The following CSMD1 variants were observed in gnomAD, a reference collection of about 807,000 sequenced individuals.
CSMD1 encodes the protein CUB and Sushi multiple domains 1, also known as CUB and sushi domain-containing protein 1.
CSMD1 carries 213 observed loss-of-function variants against 417.5 expected under a neutral mutation model. That is an observed-to-expected ratio of 0.51 (90% confidence interval 0.46 to 0.57). CSMD1 has a LOEUF of 0.57. Among genes scored for constraint, CSMD1 ranks in the 20% least tolerant of loss-of-function variants. The pLI, the probability that CSMD1 is intolerant of heterozygous loss-of-function variation, is 0.00. For synonymous variants in CSMD1, 2,862 were observed against 1,736.8 expected (o/e 1.65, Z -16.11); for missense variants, 6,923 against 4,529.7 (o/e 1.53, Z -15.17).
At chr8:4,588,304 G>C (rs951218554) in intron 2 of CSMD1, among the ~76,000 whole-genome samples, 1 of 148,690 alleles carries the variant, frequency 6.7e-6, no homozygotes. Context: ...AAAAGAAAAA[G>C]GAAATAAAAC....
chr8:4,951,529 GAGAA>G (rs1384636450), intron 1 of CSMD1, among the ~76,000 whole-genome samples: 2 of 144,676 alleles, frequency 1.4e-5, no homozygotes, highest in African/African-American at 5.1e-5. Context: ...AGGGGAGAAA[GAGAA>G]AAGAAAAGAA....
At chr8:3,823,609 G>C (rs537177968) in intron 5 of CSMD1, among the ~76,000 whole-genome samples, 77 of 152,054 alleles carry the variant, frequency 5.1e-4, no homozygotes, top group African/African-American at 1.6e-3. Flanking sequence ...ACTTATGCTT[G>C]AATCAAATAA....
intron 23 of CSMD1, among the ~76,000 whole-genome samples, chr8:3,337,447 G>C (rs751190519): frequency 2.4e-4 from 37 of 152,050 alleles, no homozygotes; most frequent in Non-Finnish European, 4.4e-4. Context: ...CAAAATTTAA[G>C]CTTGCGTTTA....
At chr8:4,320,964 G>A (rs1026559320) in intron 3 of CSMD1, among the ~76,000 whole-genome samples, 1 of 152,032 alleles carries the variant, frequency 6.6e-6, no homozygotes, top group Non-Finnish European at 1.5e-5. Context: ...ACTCTGCCAG[G>A]TCCAGTTTCA....
At chr8:3,377,955 G>A (rs372616578) in intron 18 of CSMD1, among the ~76,000 whole-genome samples, 2 of 152,090 alleles carry the variant, frequency 1.3e-5, no homozygotes, top group Admixed American at 6.6e-5. Context: ...AAAGAATTGA[G>A]GTCAGAAAAG....
intron 26 of CSMD1, among the ~76,000 whole-genome samples, chr8:3,269,807 A>T (rs1356521052): frequency 6.6e-6 from 1 of 152,208 alleles, no homozygotes; most frequent in African/African-American, 2.4e-5. Context: ...TAGTCAGTTC[A>T]TGTCCTTCTG....
chr8:3,240,630 G>A (rs1391009397), intron 26 of CSMD1, among the ~76,000 whole-genome samples: 2 of 152,072 alleles, frequency 1.3e-5, no homozygotes, highest in Non-Finnish European at 2.9e-5. Context: ...GGGTGTCAGG[G>A]TCAGTCCAAG....
chr8:4,062,922 A>AAAG, intron 3 of CSMD1, among the ~76,000 whole-genome samples: 1 of 152,064 alleles, frequency 6.6e-6, no homozygotes, highest in African/African-American at 2.4e-5. Flanking sequence ...TTGCAAAAAA[A>AAAG]AAAAATTCTT....
intron 12 of CSMD1, among the ~76,000 whole-genome samples, chr8:3,416,177 T>A (rs1416100198): frequency 3.4e-5 from 1 of 29,834 alleles, no homozygotes; most frequent in African/African-American, 7.9e-5. Flanking sequence ...GGGGGGCGCC[T>A]GTAATTCCCA....
intron 6 of CSMD1, among the ~76,000 whole-genome samples, chr8:3,730,246 G>A (rs540980115): frequency 5.8e-4 from 88 of 152,184 alleles, no homozygotes; most frequent in Non-Finnish European, 8.5e-4. Context: ...AATTCGAGAT[G>A]AGAAAATACC....
rs190957467 is a variant in CSMD1, at chr8:3,391,818, T to C, written c.2594-4136A>G. 1.4e-3 allele frequency among the ~76,000 whole-genome samples: 214 copies of C among 152,312 alleles called. 1 individual carries two copies. Among genetic ancestry groups the C allele is most frequent in the Middle Eastern group, 6.8e-3 (2 of 294 alleles). The stretch of plus-strand genomic sequence containing the variant: ...TGTAGAGATCATTGGCATGGGCCTC[T>C]ATGGGCATGAAGAAGCGTCATTAAT... On this transcript the variant is annotated intron_variant, in intron 17 of 69. Coordinates refer to ENST00000635120, the MANE Select transcript of CSMD1 (RefSeq NM_033225.6).
intron 3 of CSMD1, among the ~76,000 whole-genome samples, chr8:4,262,393 G>C (rs770592354): frequency 2.6e-5 from 4 of 152,150 alleles, no homozygotes; most frequent in Non-Finnish European, 4.4e-5. Context: ...TCCCAAACCA[G>C]AATAAAGGCA....
At chr8:4,455,892 G>A (rs1799439313) in intron 2 of CSMD1, among the ~76,000 whole-genome samples, 1 of 111,332 alleles carries the variant, frequency 9.0e-6, no homozygotes, top group Non-Finnish European at 1.7e-5. Flanking sequence ...TCATGCCACT[G>A]CAATCCAGCC....
At chr8:4,296,388 A>G (rs892121278) in intron 3 of CSMD1, among the ~76,000 whole-genome samples, 15 of 152,336 alleles carry the variant, frequency 9.8e-5, no homozygotes, top group Non-Finnish European at 1.8e-4. Flanking sequence ...ATTTCTAAAC[A>G]TAATAATGAT....
intron 5 of CSMD1, among the ~76,000 whole-genome samples, chr8:3,983,614 A>C (rs985238543): frequency 2.6e-5 from 4 of 152,282 alleles, no homozygotes; most frequent in Non-Finnish European, 5.9e-5. Context: ...CCCATTTATC[A>C]AACTGTATTT....
At chr8:3,244,525 G>T (rs192160302) in intron 26 of CSMD1, among the ~76,000 whole-genome samples, 1 of 152,182 alleles carries the variant, frequency 6.6e-6, no homozygotes, top group Non-Finnish European at 1.5e-5. Flanking sequence ...CTTTTACACT[G>T]TACATACATC....
intron 5 of CSMD1, among the ~76,000 whole-genome samples, chr8:3,908,174 A>T (rs569857034): frequency 1.3e-5 from 2 of 152,146 alleles, no homozygotes; most frequent in Non-Finnish European, 2.9e-5. Flanking sequence ...TGCATCAATG[A>T]CCATGGGCCA....
chr8:3,850,613 T>A (rs1395741117), intron 5 of CSMD1, among the ~76,000 whole-genome samples: 1 of 152,106 alleles, frequency 6.6e-6, no homozygotes, highest in African/African-American at 2.4e-5. Flanking sequence ...GAGAATAACT[T>A]GAACCTGGGG....
chr8:4,740,891 C>A (rs1810559819), intron 1 of CSMD1, among the ~76,000 whole-genome samples: 10 of 152,052 alleles, frequency 6.6e-5, no homozygotes, highest in Admixed American at 6.5e-4. Context: ...TCCTTTTTTC[C>A]ACAACAGCTA....
Sources: allele counts gnomAD v4.1 joint callset (sites outside exome capture counted in the v4.1 genomes callset), GRCh38; gene constraint gnomAD v4.1.1; transcripts MANE v1.5; gene names NCBI Gene and HGNC (gene_info 2026-07-23, HGNC 2026-07-21).